Variants in CDH4 observed in about 807,000 individuals in gnomAD.
CDH4 encodes the protein cadherin-4.
A neutral mutation model predicts 86.0 loss-of-function variants in CDH4; 33 were observed. That is an observed-to-expected ratio of 0.38 (90% CI 0.29 to 0.51). CDH4 has a LOEUF of 0.51. Among genes scored for constraint, CDH4 ranks in the 20% least tolerant of loss-of-function variants. The pLI is 0.86. For synonymous variants in CDH4, 555 were observed against 549.4 expected (o/e 1.01, Z -0.14); for missense variants, 1,114 against 1,307.4 (o/e 0.85, Z 2.28).
At chr20:61,855,460 G>A (rs1982956457) in intron 6 of CDH4, among the ~76,000 whole-genome samples, 1 of 152,182 alleles carries the variant, frequency 6.6e-6, no homozygotes, top group African/African-American at 2.4e-5. Context: ...TGAGGACACA[G>A]GAGCCCCTCG....
chr20:61,458,623 C>T (rs920808540), intron 2 of CDH4, among the ~76,000 whole-genome samples: 55 of 151,720 alleles, frequency 3.6e-4, no homozygotes, highest in African/African-American at 1.2e-3. Context: ...TGACTGGTGA[C>T]AGTAGTGGTA....
At chr20:61,598,388 AC>A (rs1159894949) in intron 2 of CDH4, among the ~76,000 whole-genome samples, 1 of 123,062 alleles carries the variant, frequency 8.1e-6, no homozygotes, top group South Asian at 2.9e-4. Flanking sequence ...GAGGTCATGC[AC>A]CCCCCAAAAC....
At chr20:61,863,808 G>A (rs1392526431) in intron 6 of CDH4, among the ~76,000 whole-genome samples, 1 of 152,184 alleles carries the variant, frequency 6.6e-6, no homozygotes, top group Non-Finnish European at 1.5e-5. Context: ...GGCTGCTCTA[G>A]TGCCAAGCCC....
chr20:61,819,063 A>G (rs1055311650), intron 4 of CDH4, among the ~76,000 whole-genome samples: 5 of 152,210 alleles, frequency 3.3e-5, no homozygotes, highest in African/African-American at 1.2e-4. Flanking sequence ...ACATGCCCTG[A>G]GCAGACAGAG....
chr20:61,682,320 A>AGAGG (rs201428261), intron 2 of CDH4, among the ~76,000 whole-genome samples: 2 of 138,814 alleles, frequency 1.4e-5, no homozygotes, highest in African/African-American at 2.9e-5. Context: ...ATGGAAGGAG[A>AGAGG]GAGGGAGGGA....
chr20:61,692,275 T>TTGTG (rs11468758), intron 2 of CDH4, among the ~76,000 whole-genome samples: 2 of 149,780 alleles, frequency 1.3e-5, no homozygotes, highest in Non-Finnish European at 3.0e-5. Context: ...ATGTGTGTCT[T>TTGTG]TGTGTGTGTG....
At chr20:61,573,340 A>C (rs779187069) in intron 2 of CDH4, among the ~76,000 whole-genome samples, 2 of 152,216 alleles carry the variant, frequency 1.3e-5, no homozygotes, top group Non-Finnish European at 2.9e-5. Context: ...CATGGCTCTT[A>C]TTGGCATTTG....
Position 61,556,827 on chromosome 20 carries a change from G to A in CDH4, c.170-186736G>A, listed in dbSNP as rs984137467. Among the ~76,000 whole-genome samples the A allele has an allele frequency of 2.0e-4, 30 of 152,154 alleles. 1 individual carries two copies. Among genetic ancestry groups the A allele is most frequent in the African/African-American group, 6.7e-4 (28 of 41,512 alleles). On this transcript the variant is annotated intron_variant, in intron 2 of 15. Transcript: ENST00000614565. ...TGCTGTCAGACAAGGAGGGTGAAAG[G>A]GAGCTGTGGTCGGCCCGTCCTCCGA... is the stretch of plus-strand genomic sequence containing the variant.
intron 8 of CDH4, among the ~76,000 whole-genome samples, chr20:61,906,570 G>A (rs1337319847): frequency 6.6e-6 from 1 of 152,256 alleles, no homozygotes; most frequent in Non-Finnish European, 1.5e-5. Flanking sequence ...TAAGATTCAG[G>A]CAGGCTGCTT....
At chr20:61,512,794 G>C (rs532909726) in intron 2 of CDH4, among the ~76,000 whole-genome samples, 6 of 152,198 alleles carry the variant, frequency 3.9e-5, no homozygotes, top group Non-Finnish European at 7.3e-5. Context: ...CTGACTCTTC[G>C]AGGAAGCTCA....
At position 61,510,282 on chromosome 20, in the gene CDH4, G is replaced by T. The variant is rs574597278; in HGVS notation, c.170-233281G>T. ...TACTTGGTGTGTGCTTTGTGTTTTG[G>T]GGGGGCCAGGAACGTGCATTCAGGG... On this transcript the variant is annotated intron_variant, in intron 2 of 15. Coordinates refer to ENST00000614565, the MANE Select transcript of CDH4 (RefSeq NM_001794.5). This position sits in a 1 kb window ranked among gnomAD's most constrained non-coding sequence, Gnocchi z 4.2. Among the ~76,000 whole-genome samples the T allele has an allele frequency of 7.2e-5, 11 of 152,266 alleles. No homozygotes were observed. Among genetic ancestry groups the T allele is most frequent in the South Asian group, 4.1e-4 (2 of 4,824 alleles).
At chr20:61,498,986 G>A (rs553720252) in intron 2 of CDH4, among the ~76,000 whole-genome samples, 10 of 152,220 alleles carry the variant, frequency 6.6e-5, no homozygotes, top group African/African-American at 2.2e-4. Flanking sequence ...AGAACCCCAC[G>A]TGTCCTGAGC....
chr20:61,406,752 G>T (rs1293062905), intron 2 of CDH4, among the ~76,000 whole-genome samples: 1 of 138,812 alleles, frequency 7.2e-6, no homozygotes, highest in Non-Finnish European at 1.5e-5. Context: ...ACCACCATCT[G>T]CTCTGCCTGG....
intron 4 of CDH4, among the ~76,000 whole-genome samples, chr20:61,795,861 G>GAGTGAGTGAATGAATC (rs1369277150): frequency 6.6e-6 from 1 of 152,194 alleles, no homozygotes; most frequent in East Asian, 1.9e-4. Flanking sequence ...ATGAATGAAT[G>GAGTGAGTGAATGAATC]AATGAGTGGA....
At chr20:61,649,206 C>T (rs1188576422) in intron 2 of CDH4, among the ~76,000 whole-genome samples, 7 of 152,316 alleles carry the variant, frequency 4.6e-5, no homozygotes, top group African/African-American at 1.4e-4. Context: ...ATTCCAACTA[C>T]ATCAAGGGCG....
chr20:61,297,667 T>G (rs1447789173), intron 2 of CDH4, among the ~76,000 whole-genome samples: 1 of 152,220 alleles, frequency 6.6e-6, no homozygotes, highest in Non-Finnish European at 1.5e-5. Context: ...ACCAAGAAGC[T>G]CCTCTGTCCT....
intron 2 of CDH4, among the ~76,000 whole-genome samples, chr20:61,474,200 G>A (rs2085522177): frequency 9.2e-6 from 1 of 109,134 alleles, no homozygotes; most frequent in Admixed American, 1.4e-4. Flanking sequence ...TGACTCTGTT[G>A]CCCAGGCTGG....
chr20:61,354,618 C>A (rs1255859642), intron 2 of CDH4, among the ~76,000 whole-genome samples: 3 of 152,262 alleles, frequency 2.0e-5, no homozygotes, highest in Non-Finnish European at 4.4e-5. Flanking sequence ...TGTGGCTCAG[C>A]CCCGCTGCAC....
chr20:61,521,855 C>T (rs971385139), intron 2 of CDH4, among the ~76,000 whole-genome samples: 4 of 152,178 alleles, frequency 2.6e-5, no homozygotes, highest in African/African-American at 9.7e-5. Context: ...CAACGGCCGG[C>T]CTGTGCTGAT....
Sources: gnomAD v4.1 joint callset for allele counts (sites outside exome capture counted in the v4.1 genomes callset) on GRCh38, gnomAD v4.1.1 for gene constraint, Gnocchi (gnomAD v3.1) non-coding constraint, MANE v1.5 for transcripts, NCBI Gene and HGNC (gene_info 2026-07-23, HGNC 2026-07-21) for gene names.